ITPR2: variants seen among roughly 807,000 people sequenced by gnomAD.
ITPR2 encodes the protein inositol 1,4,5-trisphosphate-gated calcium channel ITPR2.
ITPR2 carries 207 observed loss-of-function variants against 317.1 expected under a neutral mutation model. The ratio of observed to expected loss-of-function variants is 0.65; its 90% CI spans 0.58 to 0.73. The LOEUF (loss-of-function observed/expected upper bound fraction) is 0.73. Ranked by LOEUF, ITPR2 falls within the 30% of genes least tolerant of loss-of-function variation. ITPR2 has a pLI of 0.00. For synonymous variants in ITPR2, 1,156 were observed against 1,149.1 expected (o/e 1.01, Z -0.12); for missense variants, 2,613 against 3,284.0 (o/e 0.80, Z 4.99).
Position 26,641,876 on chromosome 12 carries a change from C to G in ITPR2, c.2741-9817G>C, listed in dbSNP as rs1303826170. ...GAGTCCTTTTAGGCACCGTTGACAA[C>G]TAAAAGAAAGTCCAATAGTCATACA... On this transcript the variant is annotated intron_variant, in intron 21 of 56. Transcript: ENST00000381340. Among the ~76,000 whole-genome samples, 3 of 152,100 alleles carry G rather than the reference C, an allele frequency of 2.0e-5. No homozygotes were observed. In the East Asian group the frequency reaches 5.8e-4, roughly 29 times the overall value.
intron 54 of ITPR2, among the ~76,000 whole-genome samples, chr12:26,394,588 A>G (rs755987955): frequency 2.6e-5 from 4 of 152,106 alleles, no homozygotes; most frequent in Non-Finnish European, 4.4e-5. Flanking sequence ...AACAGGGGAG[A>G]AGGTAGGCAA....
chr12:26,428,175 T>C lies in ITPR2; in HGVS notation c.6770-87A>G. 5.1e-6 allele frequency: 5 copies of C among 976,590 alleles called. No individual in the cohort carries two copies. In the South Asian group the frequency reaches 6.9e-5, roughly 13 times the overall value. The allele number at this position is 976,590 out of a possible 1,614,324, so 60.5% of individuals were successfully genotyped here. ...TGCTGCTCTACTTTATATGGTATCATTAAGTCAAAGCCATAATCCAGTAAA... is the reference window on the plus strand; with the variant it reads ...TGCTGCTCTACTTTATATGGTATCACTAAGTCAAAGCCATAATCCAGTAAA... On this transcript the variant is annotated intron_variant, in intron 48 of 56. Transcript: ENST00000381340.
At chr12:26,644,447 A>G (rs1022130630) in intron 21 of ITPR2, among the ~76,000 whole-genome samples, 1 of 152,190 alleles carries the variant, frequency 6.6e-6, no homozygotes, top group African/African-American at 2.4e-5. Flanking sequence ...ATATTAGTCT[A>G]TTCTCACACT....
chr12:26,385,983 T>G (rs963177372), intron 55 of ITPR2, among the ~76,000 whole-genome samples: 2 of 152,218 alleles, frequency 1.3e-5, no homozygotes, highest in African/African-American at 4.8e-5. Context: ...ATCATACTCT[T>G]TAGTGTATAG....
chr12:26,817,607 G>T (rs529983915), intron 1 of ITPR2, among the ~76,000 whole-genome samples: 1 of 152,244 alleles, frequency 6.6e-6, no homozygotes, highest in East Asian at 1.9e-4. Flanking sequence ...AGCAAAGTCT[G>T]ATTATTTCAT....
At chr12:26,469,593 G>C (rs1942251785) in intron 45 of ITPR2, among the ~76,000 whole-genome samples, 1 of 152,042 alleles carries the variant, frequency 6.6e-6, no homozygotes, top group Non-Finnish European at 1.5e-5. Flanking sequence ...ATCACCATCT[G>C]GTATCTTTCT....
At chr12:26,705,831 C>CG (rs1339007192) in intron 9 of ITPR2, among the ~76,000 whole-genome samples, 1 of 152,182 alleles carries the variant, frequency 6.6e-6, no homozygotes, top group African/African-American at 2.4e-5. Context: ...GAAGCCTCTC[C>CG]CTTGGTTCAA....
intron 41 of ITPR2, 24 bp from the exon 42 acceptor site, chr12:26,483,922 T>G (rs1490632994): frequency 6.3e-7 from 1 of 1,597,232 alleles, no homozygotes; most frequent in Non-Finnish European, 8.6e-7. Context: ...AAAATAAAAT[T>G]GAAGGGTTAC....
chr12:26,470,909 T>A (rs1214744960), intron 45 of ITPR2, among the ~76,000 whole-genome samples: 2 of 152,184 alleles, frequency 1.3e-5, no homozygotes, highest in Admixed American at 1.3e-4. Flanking sequence ...GAAACCTAAA[T>A]GTCTAACAAT....
intron 30 of ITPR2, among the ~76,000 whole-genome samples, chr12:26,597,806 G>C (rs1372350789): frequency 6.6e-6 from 1 of 152,044 alleles, no homozygotes; most frequent in East Asian, 1.9e-4. Context: ...AAGCTCCATA[G>C]TATCTTATTG....
At chr12:26,444,671 A>C (rs1373972381) in intron 45 of ITPR2, among the ~76,000 whole-genome samples, 1 of 152,142 alleles carries the variant, frequency 6.6e-6, no homozygotes, top group Non-Finnish European at 1.5e-5. Context: ...TTTTATCGAC[A>C]TTACGGAGCA....
At chr12:26,762,981 C>A (rs1177171384) in intron 2 of ITPR2, among the ~76,000 whole-genome samples, 1 of 151,992 alleles carries the variant, frequency 6.6e-6, no homozygotes, top group African/African-American at 2.4e-5. Flanking sequence ...GTTATAACTA[C>A]AAGACATTTT....
At chr12:26,618,874 T>C (rs910402301) in intron 26 of ITPR2, among the ~76,000 whole-genome samples, 1 of 152,318 alleles carries the variant, frequency 6.6e-6, no homozygotes, top group South Asian at 2.1e-4. Context: ...TGAAAACATG[T>C]ACAAAATAGG....
intron 2 of ITPR2, among the ~76,000 whole-genome samples, chr12:26,758,883 A>G (rs1949579609): frequency 6.6e-6 from 1 of 152,216 alleles, no homozygotes; most frequent in African/African-American, 2.4e-5. Flanking sequence ...TATATAAAAA[A>G]CTTATAGTTT....
At chr12:26,376,879 C>A (rs796103365) in intron 55 of ITPR2, among the ~76,000 whole-genome samples, 14 of 152,122 alleles carry the variant, frequency 9.2e-5, no homozygotes, top group African/African-American at 3.4e-4. Flanking sequence ...CAGGAGTGTG[C>A]AACCATGCCC....
intron 45 of ITPR2, among the ~76,000 whole-genome samples, chr12:26,462,044 GAAACTC>G (rs1415782544): frequency 6.6e-6 from 1 of 150,624 alleles, no homozygotes. Context: ...AAGTAATTCT[GAAACTC>G]AAAATGCACC....
At chr12:26,399,885 C>A (rs902784440) in intron 53 of ITPR2, among the ~76,000 whole-genome samples, 2 of 152,188 alleles carry the variant, frequency 1.3e-5, no homozygotes, top group Admixed American at 6.5e-5. Context: ...GATTTCATTG[C>A]TGTAATACAA....
chr12:26,667,257 G>A (rs908698805), intron 13 of ITPR2, among the ~76,000 whole-genome samples: 22 of 152,266 alleles, frequency 1.4e-4, no homozygotes, highest in Non-Finnish European at 2.8e-4. Context: ...AAAACATCCT[G>A]ATCCTATCTC....
intron 39 of ITPR2, among the ~76,000 whole-genome samples, chr12:26,492,915 G>A: frequency 8.3e-6 from 1 of 121,014 alleles, no homozygotes; most frequent in East Asian, 4.2e-4. Flanking sequence ...GTATGTGTGT[G>A]TGTGTATATA....
Sources: allele counts gnomAD v4.1 joint callset (sites outside exome capture counted in the v4.1 genomes callset), GRCh38; gene constraint gnomAD v4.1.1; transcripts MANE v1.5; gene names NCBI Gene and HGNC (gene_info 2026-07-23, HGNC 2026-07-21).